Variants in ERC1 observed in about 807,000 individuals in gnomAD.
ERC1 encodes the protein RAB6 interacting protein 2.
ERC1 carries 56 observed loss-of-function variants against 132.0 expected under a neutral mutation model. The ratio of observed to expected loss-of-function variants is 0.42; its 90% CI spans 0.34 to 0.53. The LOEUF (loss-of-function observed/expected upper bound fraction) is 0.53, where lower values mean the gene tolerates loss of function less well. Among genes scored for constraint, ERC1 ranks in the 20% least tolerant of loss-of-function variants. The pLI is 0.03. For synonymous variants in ERC1, 478 were observed against 476.1 expected, an observed-to-expected ratio of 1.00 and a Z score of -0.05; for missense variants, 1,202 against 1,349.9, an observed-to-expected ratio of 0.89 and a Z score of 1.72.
At chr12:1,120,853 C>G (rs992797577) in intron 7 of ERC1, among the ~76,000 whole-genome samples, 1 of 152,060 alleles carries the variant, frequency 6.6e-6, no homozygotes, top group East Asian at 1.9e-4. Context: ...AAGGTGAGGA[C>G]CTGCCCTTGC....
chr12:997,827 G>A (rs1961253414), intron 1 of ERC1, among the ~76,000 whole-genome samples: 1 of 152,178 alleles, frequency 6.6e-6, no homozygotes, highest in South Asian at 2.1e-4. Context: ...CACTTAAAAG[G>A]ACTATATGAG....
chr12:1,249,954 C>T (rs1488953187), intron 13 of ERC1, among the ~76,000 whole-genome samples: 2 of 152,184 alleles, frequency 1.3e-5, no homozygotes, highest in African/African-American at 4.8e-5. Flanking sequence ...GACCTAATGA[C>T]CTCCCAAAAG....
At chr12:1,304,439 A>G (rs1336856803) in intron 15 of ERC1, among the ~76,000 whole-genome samples, 2 of 152,218 alleles carry the variant, frequency 1.3e-5, no homozygotes, top group Non-Finnish European at 2.9e-5. Flanking sequence ...GAGGAGGGAA[A>G]GTGGGATTAT....
chr12:1,037,120 ATAAT>A (rs576701306), intron 2 of ERC1, among the ~76,000 whole-genome samples: 1 of 152,222 alleles, frequency 6.6e-6, no homozygotes. Context: ...AGTATGAAAA[ATAAT>A]TAAGCAGAGC....
At chr12:1,269,867 ACT>A (rs1463091095) in intron 14 of ERC1, among the ~76,000 whole-genome samples, 1 of 152,028 alleles carries the variant, frequency 6.6e-6, no homozygotes, top group Non-Finnish European at 1.5e-5. Context: ...AACTCTCCTG[ACT>A]CTTACTATCC....
chr12:1,178,573 G>C (rs894973161), intron 8 of ERC1, among the ~76,000 whole-genome samples: 3 of 152,120 alleles, frequency 2.0e-5, no homozygotes, highest in African/African-American at 7.2e-5. Flanking sequence ...ATATATACAT[G>C]TATATGTATC....
At chr12:1,178,282 CAGG>C (rs145923201) in intron 8 of ERC1, among the ~76,000 whole-genome samples, 2,792 of 152,166 alleles carry the variant, frequency 0.018, 82 homozygotes, top group African/African-American at 0.063. Context: ...CCGTTATTGG[CAGG>C]AGTTTTTGTG....
chr12:1,093,955 T>TTATATATATATATATATATATATATA (rs1469024496), intron 3 of ERC1, among the ~76,000 whole-genome samples: 2 of 16,134 alleles, frequency 1.2e-4, no homozygotes, highest in Non-Finnish European at 3.6e-4. Context: ...ATATATATTT[T>TTATATATATATATATATATATATATA]TCTATATATA....
At chr12:1,270,819 G>A (rs1409632096) in intron 14 of ERC1, among the ~76,000 whole-genome samples, 1 of 151,752 alleles carries the variant, frequency 6.6e-6, no homozygotes, top group East Asian at 1.9e-4. Context: ...TACAAGACAG[G>A]ATCTGTGCAA....
chr12:1,033,707 G>C (rs760481898), intron 2 of ERC1, among the ~76,000 whole-genome samples: 1 of 151,736 alleles, frequency 6.6e-6, no homozygotes, highest in Non-Finnish European at 1.5e-5. Flanking sequence ...TCAGCTCACT[G>C]CAACCTCCGC....
At chr12:1,390,318 G>A (rs2089836236) in intron 16 of ERC1, among the ~76,000 whole-genome samples, 1 of 152,006 alleles carries the variant, frequency 6.6e-6, no homozygotes, top group Non-Finnish European at 1.5e-5. Context: ...TTCTAGGACA[G>A]TGTAACCCAC....
intron 2 of ERC1, among the ~76,000 whole-genome samples, chr12:1,052,735 G>C (rs1046780666): frequency 6.6e-6 from 1 of 152,122 alleles, no homozygotes; most frequent in Admixed American, 6.6e-5. Flanking sequence ...TTTGGGAGGC[G>C]GAGGAGGGCG....
At chr12:1,206,470 C>T (rs1252028560) in intron 12 of ERC1, among the ~76,000 whole-genome samples, 1 of 152,070 alleles carries the variant, frequency 6.6e-6, no homozygotes, top group Non-Finnish European at 1.5e-5. Context: ...TTATTCCTCT[C>T]TTCTCCCTTG....
chr12:1,007,540 C>CTCTCTGTGTGTGTGTGTGTGTG (rs1555194875), intron 1 of ERC1, among the ~76,000 whole-genome samples: 2 of 122,712 alleles, frequency 1.6e-5, no homozygotes, highest in African/African-American at 7.6e-5. Context: ...CTCTCTCTCT[C>CTCTCTGTGTGTGTGTGTGTGTG]TGTGTGTGTG....
chr12:1,178,120 C>A (rs1018280679), intron 8 of ERC1, among the ~76,000 whole-genome samples: 1 of 152,156 alleles, frequency 6.6e-6, no homozygotes, highest in Non-Finnish European at 1.5e-5. Context: ...TATTCACATA[C>A]CCTATTCTAA....
chr12:1,066,787 A>AG (rs1939277105), intron 2 of ERC1, among the ~76,000 whole-genome samples: 1 of 148,950 alleles, frequency 6.7e-6, no homozygotes, highest in African/African-American at 2.5e-5. Context: ...CAGTGAGCTG[A>AG]GATTGCGCCA....
At chr12:1,054,877 G>A (rs1185937268) in intron 2 of ERC1, among the ~76,000 whole-genome samples, 1 of 152,090 alleles carries the variant, frequency 6.6e-6, no homozygotes, top group Admixed American at 6.6e-5. Flanking sequence ...TATGTATACC[G>A]TGTGTGATTT....
At chr12:1,234,128 G>A (rs1411625855) in intron 12 of ERC1, among the ~76,000 whole-genome samples, 2 of 152,130 alleles carry the variant, frequency 1.3e-5, no homozygotes, top group Non-Finnish European at 2.9e-5. Context: ...TGCTTTGTTA[G>A]CCTTTTAAGG....
chr12:1,405,184 A>AATAAATAAATAAAT (rs1555394312), intron 16 of ERC1, among the ~76,000 whole-genome samples: 1 of 133,294 alleles, frequency 7.5e-6, no homozygotes, highest in African/African-American at 3.0e-5. Flanking sequence ...AATAAATATA[A>AATAAATAAATAAAT]ATAAAATAAT....
Sources: allele counts gnomAD v4.1 joint callset (sites outside exome capture counted in the v4.1 genomes callset), GRCh38; gene constraint gnomAD v4.1.1; transcripts MANE v1.5; gene names NCBI Gene and HGNC (gene_info 2026-07-23, HGNC 2026-07-21).